The following SUCLG2 variants were observed in gnomAD, a reference collection of about 807,000 sequenced individuals.
SUCLG2 encodes the protein succinate-CoA ligase GDP-forming subunit beta.
In SUCLG2, 42 loss-of-function variants were observed where a neutral mutation model predicts 47.9. That is an observed-to-expected ratio of 0.88 (90% CI 0.69 to 1.14). The LOEUF (loss-of-function observed/expected upper bound fraction) is 1.14, where lower values mean the gene tolerates loss of function less well. SUCLG2 is among the 50% of genes most tolerant of loss of function. The pLI is 0.00. For synonymous variants in SUCLG2, 195 were observed against 197.3 expected, an observed-to-expected ratio of 0.99 and a Z score of 0.10; for missense variants, 571 against 525.9, an observed-to-expected ratio of 1.09 and a Z score of -0.84.
At chr3:67,479,557 G>T (rs1312688738) in intron 9 of SUCLG2, among the ~76,000 whole-genome samples, 1 of 152,174 alleles carries the variant, frequency 6.6e-6, no homozygotes, top group Non-Finnish European at 1.5e-5. Context: ...ACAAATGAAG[G>T]TTGTACTCTG....
chr3:67,382,388 G>A (rs1358011325), intron 10 of SUCLG2, among the ~76,000 whole-genome samples: 1 of 152,166 alleles, frequency 6.6e-6, no homozygotes, highest in African/African-American at 2.4e-5. Context: ...GCCTTTAAGT[G>A]CTAGAAGGAA....
chr3:67,485,347 G>A (rs1705023878), intron 9 of SUCLG2, among the ~76,000 whole-genome samples: 1 of 151,952 alleles, frequency 6.6e-6, no homozygotes, highest in Non-Finnish European at 1.5e-5. Context: ...TAAGTCTTAT[G>A]GCTTACTGTG....
At chr3:67,480,047 A>C (rs984499876) in intron 9 of SUCLG2, among the ~76,000 whole-genome samples, 1 of 152,178 alleles carries the variant, frequency 6.6e-6, no homozygotes, top group Non-Finnish European at 1.5e-5. Flanking sequence ...AGGGGTTATA[A>C]AGCGTATGGG....
chr3:67,612,744 C>T lies in SUCLG2; in HGVS notation c.85-3148G>A, dbSNP rs74886392. Among the ~76,000 whole-genome samples, 32 of 152,284 alleles carry T rather than the reference C, an allele frequency of 2.1e-4. No homozygotes were observed. In the East Asian group the frequency reaches 5.6e-3, roughly 27 times the overall value. On this transcript the variant is annotated intron_variant, in intron 1 of 10. Coordinates refer to ENST00000307227, the MANE Select transcript of SUCLG2 (RefSeq NM_003848.4). ...CTACTACCTAGAGTTAGCACCAGAT[C>T]CCCCAGGTTAGAGGCTCAGTCCCAC...
intron 2 of SUCLG2, among the ~76,000 whole-genome samples, chr3:67,581,100 G>T: frequency 6.6e-6 from 1 of 152,168 alleles, no homozygotes; most frequent in East Asian, 1.9e-4. Flanking sequence ...TGGATATCCA[G>T]TCACTTTTCT....
intron 7 of SUCLG2, among the ~76,000 whole-genome samples, chr3:67,507,405 G>A (rs1347137405): frequency 1.3e-5 from 2 of 151,950 alleles, no homozygotes; most frequent in East Asian, 3.9e-4. Context: ...TTCATTTTAT[G>A]AATGTTAGGG....
At chr3:67,513,274 ACTT>A (rs1167462280) in intron 6 of SUCLG2, among the ~76,000 whole-genome samples, 1 of 152,152 alleles carries the variant, frequency 6.6e-6, no homozygotes, top group African/African-American at 2.4e-5. Context: ...TTGTTTCAGA[ACTT>A]CTTAAGCCTA....
intron 4 of SUCLG2, among the ~76,000 whole-genome samples, chr3:67,522,632 C>T (rs1301588269): frequency 6.7e-6 from 1 of 149,962 alleles, no homozygotes; most frequent in Non-Finnish European, 1.5e-5. Flanking sequence ...GATGTGAAAA[C>T]AATGAAAGCA....
In SUCLG2 at chr3:67,621,785, T is replaced by C. The variant is rs542486415; in HGVS notation, c.85-12189A>G. On this transcript the variant is annotated intron_variant, in intron 1 of 10. Transcript: ENST00000307227. ...CCTCACCAGATACAGCCCTTTGACC[T>C]TGGACTCCTCAGGCTCCATAACTAT... 1.3e-4 allele frequency among the ~76,000 whole-genome samples: 20 copies of C among 152,292 alleles called. 1 individual carries two copies. Among genetic ancestry groups the C allele is most frequent in the South Asian group, 1.2e-3 (6 of 4,814 alleles).
At chr3:67,578,681 C>T (rs78777908) in intron 2 of SUCLG2, among the ~76,000 whole-genome samples, 12 of 152,232 alleles carry the variant, frequency 7.9e-5, no homozygotes, top group East Asian at 3.9e-4. Context: ...AGAGGCCATA[C>T]GAACCACTGT....
At chr3:67,558,884 G>T (rs564476080) in intron 2 of SUCLG2, among the ~76,000 whole-genome samples, 1 of 151,788 alleles carries the variant, frequency 6.6e-6, no homozygotes, top group South Asian at 2.1e-4. Context: ...AATTCCCAAG[G>T]GCCCTATTTT....
intron 9 of SUCLG2, among the ~76,000 whole-genome samples, chr3:67,424,498 T>A (rs1231843334): frequency 2.0e-5 from 3 of 152,206 alleles, no homozygotes; most frequent in African/African-American, 4.8e-5. Flanking sequence ...GGGATGTGTT[T>A]AGAAATACGG....
intron 2 of SUCLG2, among the ~76,000 whole-genome samples, chr3:67,535,677 G>C (rs1231372259): frequency 6.6e-6 from 1 of 152,076 alleles, no homozygotes. Flanking sequence ...TCTCAGGATG[G>C]GCCTGGGTCC....
intron 2 of SUCLG2, among the ~76,000 whole-genome samples, chr3:67,544,169 T>A (rs1270248157): frequency 6.6e-6 from 1 of 152,150 alleles, no homozygotes; most frequent in Non-Finnish European, 1.5e-5. Context: ...TTACTGAAAA[T>A]TTTTAATTTA....
At position 67,654,436 on chromosome 3, in the gene SUCLG2, G is replaced by C. The variant is rs762725077; in HGVS notation, c.84+67C>G. 6.8e-6 allele frequency: 8 copies of C among 1,178,860 alleles called. No homozygotes were observed. In the South Asian group the frequency reaches 3.4e-4, roughly 51 times the overall value. 73.0% of individuals were successfully genotyped at this position (1,178,860 alleles called of 1,614,324 possible). On this transcript the variant is annotated intron_variant, in intron 1 of 10. Coordinates refer to ENST00000307227, the MANE Select transcript of SUCLG2 (RefSeq NM_003848.4). The stretch of plus-strand genomic sequence containing the variant: ...GTCAGGCGGAGACCAAGAGTAGCAG[G>C]GGGCGAGGGAAGCCCGGGCAGGCCG...
At chr3:67,551,529 T>A (rs1707014332) in intron 2 of SUCLG2, among the ~76,000 whole-genome samples, 2 of 152,120 alleles carry the variant, frequency 1.3e-5, no homozygotes, top group Non-Finnish European at 2.9e-5. Flanking sequence ...AGGCTGAGGC[T>A]TATATCAGCA....
chr3:67,508,777 T>C (rs912794870), intron 7 of SUCLG2, 30 bp downstream of exon 7: 1 of 1,502,606 alleles, frequency 6.7e-7, no homozygotes, highest in South Asian at 1.2e-5. Context: ...AATACATTCA[T>C]TTGTTTTCTC....
At chr3:67,574,209 G>C (rs1223751717) in intron 2 of SUCLG2, among the ~76,000 whole-genome samples, 3 of 152,044 alleles carry the variant, frequency 2.0e-5, no homozygotes, top group African/African-American at 7.2e-5. Context: ...GATTAGATTG[G>C]GTCCCCCTAG....
At chr3:67,573,129 G>T (rs572303489) in intron 2 of SUCLG2, among the ~76,000 whole-genome samples, 1 of 151,954 alleles carries the variant, frequency 6.6e-6, no homozygotes, top group Non-Finnish European at 1.5e-5. Flanking sequence ...AAAGACATAC[G>T]CTTGAAAACC....
Sources: gnomAD v4.1 joint callset for allele counts (sites outside exome capture counted in the v4.1 genomes callset) on GRCh38, gnomAD v4.1.1 for gene constraint, MANE v1.5 for transcripts, NCBI Gene and HGNC (gene_info 2026-07-23, HGNC 2026-07-21) for gene names.